Variants in CHST8 observed in about 807,000 individuals in gnomAD.
CHST8 encodes the protein GALNAC-4-ST1.
CHST8 carries 10 observed loss-of-function variants against 15.0 expected under a neutral mutation model. The observed-to-expected ratio is 0.67, with a 90% CI of 0.41 to 1.13. The LOEUF is 1.13. Ranked by LOEUF, CHST8 falls within the 50% of genes most tolerant of loss-of-function variation. CHST8 has a pLI of 0.00. For missense variants in CHST8, 634 were observed against 608.2 expected (o/e 1.04, Z -0.45); for synonymous variants, 259 against 256.6 (o/e 1.01, Z -0.09).
At position 33,746,105 on chromosome 19, in the gene CHST8, T is replaced by A. The variant is rs2376993; in HGVS notation, c.131-25308T>A. Among the ~76,000 whole-genome samples the A allele has an allele frequency of 2.6e-5, 4 of 152,230 alleles. No homozygotes were observed. The East Asian group carries it at 7.7e-4, about 29-fold the overall frequency. On this transcript the variant is annotated intron_variant, in intron 3 of 4. Transcript: ENST00000650847. ...TTTATAAAAGCCTTTTCCTTCCAAG[T>A]GTTGCCATTTGGTGTTACTGAGATA...
intron 3 of CHST8, among the ~76,000 whole-genome samples, chr19:33,762,177 A>T (rs1463085258): frequency 6.6e-6 from 1 of 152,204 alleles, no homozygotes; most frequent in Non-Finnish European, 1.5e-5. Flanking sequence ...AACACTGTAG[A>T]GGTCACTGCA....
chr19:33,666,678 T>C (rs1029355210), intron 1 of CHST8, among the ~76,000 whole-genome samples: 1 of 152,024 alleles, frequency 6.6e-6, no homozygotes. Context: ...TAGAGAGTAG[T>C]TGTTAAGTGG....
intron 3 of CHST8, among the ~76,000 whole-genome samples, chr19:33,735,886 A>C (rs1568348173): frequency 6.6e-6 from 1 of 152,204 alleles, no homozygotes; most frequent in Non-Finnish European, 1.5e-5. Flanking sequence ...GCTTGCTCAC[A>C]CCTGTAAATG....
intron 3 of CHST8, 32 bp downstream of exon 3, chr19:33,689,423 G>T: frequency 6.6e-7 from 1 of 1,526,194 alleles, no homozygotes; most frequent in South Asian, 1.3e-5. Flanking sequence ...TGCCATCACT[G>T]CCCCCAGCTT....
intron 2 of CHST8, among the ~76,000 whole-genome samples, chr19:33,686,740 C>T (rs1160097481): frequency 6.6e-6 from 1 of 152,224 alleles, no homozygotes; most frequent in African/African-American, 2.4e-5. Flanking sequence ...GGAAGCGCAC[C>T]CACACCGTGG....
intron 2 of CHST8, among the ~76,000 whole-genome samples, chr19:33,674,922 C>T (rs1972790220): frequency 6.6e-6 from 1 of 152,180 alleles, no homozygotes; most frequent in Non-Finnish European, 1.5e-5. Flanking sequence ...AGCTGGTGGC[C>T]ACAGGCAGAG....
intron 2 of CHST8, among the ~76,000 whole-genome samples, chr19:33,680,055 C>T (rs1030986894): frequency 2.6e-5 from 4 of 152,200 alleles, no homozygotes; most frequent in African/African-American, 9.6e-5. Flanking sequence ...TCCACTTCTT[C>T]CCACTCCAGC....
chr19:33,756,489 T>C (rs1974549381), intron 3 of CHST8, among the ~76,000 whole-genome samples: 2 of 152,170 alleles, frequency 1.3e-5, no homozygotes, highest in African/African-American at 4.8e-5. Flanking sequence ...AAGCCAAGGT[T>C]GGGTCTTCTC....
In CHST8 at chr19:33,627,804, G is replaced by C. The variant is rs553085662; in HGVS notation, c.-164+5508G>C. On this transcript the variant is annotated intron_variant, in intron 1 of 4. Transcript: ENST00000650847. Reference sequence around the variant, plus strand: ...TGCATGTTTATGGAGCAGGTATTAGGTGTCTTGCACTGTACCAGGCCCTGT... The same window carrying C: ...TGCATGTTTATGGAGCAGGTATTAGCTGTCTTGCACTGTACCAGGCCCTGT... Among the ~76,000 whole-genome samples, 5 of 152,294 alleles carry C rather than the reference G, an allele frequency of 3.3e-5. No homozygotes were observed. In the East Asian group the frequency reaches 7.7e-4, roughly 24 times the overall value.
At chr19:33,657,226 TACACATACACACACATATATATATAC>T (rs1451175187) in intron 1 of CHST8, among the ~76,000 whole-genome samples, 4 of 150,980 alleles carry the variant, frequency 2.6e-5, no homozygotes, top group East Asian at 1.9e-4. Context: ...CACACGCATA[TACACATACACACACATATATATATAC>T]ACACATACAC....
intron 3 of CHST8, among the ~76,000 whole-genome samples, chr19:33,732,082 C>G (rs1974005283): frequency 6.6e-6 from 1 of 152,224 alleles, no homozygotes; most frequent in Non-Finnish European, 1.5e-5. Context: ...GTGAGTTCAG[C>G]TGCATACCGA....
Position 33,699,094 on chromosome 19 carries a change from A to G in CHST8, c.130+9703A>G, listed in dbSNP as rs185712718. Among the ~76,000 whole-genome samples the G allele has an allele frequency of 1.0e-3, 155 of 152,292 alleles. 1 individual carries two copies. The highest frequency in any genetic ancestry group is 3.5e-3 in the African/African-American group (144 of 41,568). On this transcript the variant is annotated intron_variant, in intron 3 of 4. Coordinates refer to ENST00000650847, the MANE Select transcript of CHST8 (RefSeq NM_001127895.2). ...ATGGAGATTCATGCTTTTCAGCCCA[A>G]ACCTCACATTGTCCTGGGATGGGAC...
At chr19:33,636,478 C>T (rs1972204265) in intron 1 of CHST8, among the ~76,000 whole-genome samples, 1 of 152,100 alleles carries the variant, frequency 6.6e-6, no homozygotes, top group Non-Finnish European at 1.5e-5. Flanking sequence ...GTCTTTGTCT[C>T]CAGAAGCCAC....
At chr19:33,744,129 C>A (rs990354074) in intron 3 of CHST8, among the ~76,000 whole-genome samples, 1 of 152,222 alleles carries the variant, frequency 6.6e-6, no homozygotes, top group African/African-American at 2.4e-5. Context: ...CCTGCCCCAG[C>A]GTCAAGGTCT....
rs55859152 is a variant in CHST8 at position 33,757,542 on chromosome 19, A to G, written c.131-13871A>G. Among the ~76,000 whole-genome samples, 792 of 95,040 alleles carry G rather than the reference A, an allele frequency of 8.3e-3. 82 individuals are homozygous for G. Among genetic ancestry groups the G allele is most frequent in the Non-Finnish European group, 0.012 (547 of 45,592 alleles). The allele number at this position is 95,040 out of a possible 152,430, so 62.3% of individuals were successfully genotyped here. On this transcript the variant is annotated intron_variant, in intron 3 of 4. Coordinates refer to ENST00000650847, the MANE Select transcript of CHST8 (RefSeq NM_001127895.2). ...AGAAAGAGAAAGAAAGAAAGAAAGA[A>G]AGAAAGAAAGAAAGAAAGAAAGAAA...
At chr19:33,641,331 G>C (rs919357) in intron 1 of CHST8, among the ~76,000 whole-genome samples, 67,263 of 151,930 alleles carry the variant, frequency 0.44, 15,125 homozygotes, top group East Asian at 0.67. Context: ...GCTGTTTCTG[G>C]CCCGAGACCC....
At chr19:33,734,805 T>A (rs929915042) in intron 3 of CHST8, among the ~76,000 whole-genome samples, 2 of 152,110 alleles carry the variant, frequency 1.3e-5, no homozygotes, top group Non-Finnish European at 2.9e-5. Context: ...CCAGGGACCT[T>A]CCTGACATGG....
chr19:33,721,575 C>T (rs74499382), intron 3 of CHST8, among the ~76,000 whole-genome samples: 21,832 of 129,234 alleles, frequency 0.17, 1,996 homozygotes, highest in African/African-American at 0.27. Flanking sequence ...GATGGGTAGG[C>T]AGATGAGTGG....
intron 3 of CHST8, among the ~76,000 whole-genome samples, chr19:33,723,090 T>G (rs950940113): frequency 6.6e-6 from 1 of 152,210 alleles, no homozygotes; most frequent in Non-Finnish European, 1.5e-5. Flanking sequence ...TCCCTATGCG[T>G]GATCCTGTGT....
Sources: gnomAD v4.1 joint callset for allele counts (sites outside exome capture counted in the v4.1 genomes callset) on GRCh38, gnomAD v4.1.1 for gene constraint, MANE v1.5 for transcripts, NCBI Gene and HGNC (gene_info 2026-07-23, HGNC 2026-07-21) for gene names.